Variants in ADGRV1 observed in about 807,000 individuals in gnomAD.
The protein encoded by ADGRV1 is adhesion G protein-coupled receptor V1, also known as G-protein coupled receptor 98.
In ADGRV1, 359 loss-of-function variants were observed where a neutral mutation model predicts 596.2. The ratio of observed to expected loss-of-function variants is 0.60; its 90% CI spans 0.55 to 0.66. The LOEUF is 0.66. Among genes scored for constraint, ADGRV1 ranks in the 30% least tolerant of loss-of-function variants. The probability of loss-of-function intolerance (pLI) is 0.00; values close to 1 mark genes in which losing one functional copy is unlikely to be tolerated. For synonymous variants in ADGRV1, 2,681 were observed against 2,679.2 expected (o/e 1.00, Z -0.02); for missense variants, 7,274 against 7,575.6 (o/e 0.96, Z 1.48).
At chr5:90,621,663 C>G (rs1347919368) in intron 4 of ADGRV1, among the ~76,000 whole-genome samples, 1 of 152,086 alleles carries the variant, frequency 6.6e-6, no homozygotes, top group Non-Finnish European at 1.5e-5. Context: ...ATCCTAGTTT[C>G]TGTCATGGGT....
chr5:91,107,268 A>AT (rs1395329897), intron 87 of ADGRV1, among the ~76,000 whole-genome samples: 1 of 152,144 alleles, frequency 6.6e-6, no homozygotes, highest in African/African-American at 2.4e-5. Flanking sequence ...TTCAAAGGAG[A>AT]TTTTTTGGTT....
At chr5:90,672,292 C>A (rs916055753) in intron 21 of ADGRV1, among the ~76,000 whole-genome samples, 1 of 152,202 alleles carries the variant, frequency 6.6e-6, no homozygotes, top group Admixed American at 6.5e-5. Context: ...GAATGAATTA[C>A]TTGTGCAGTT....
intron 87 of ADGRV1, among the ~76,000 whole-genome samples, chr5:91,122,807 G>A (rs1387763929): frequency 1.3e-5 from 2 of 152,106 alleles, no homozygotes; most frequent in Admixed American, 6.5e-5. Flanking sequence ...CCCCCTCTCC[G>A]CTACTCTCTA....
chr5:90,754,587 CTT>C (rs1755626943), intron 54 of ADGRV1, among the ~76,000 whole-genome samples: 1 of 152,134 alleles, frequency 6.6e-6, no homozygotes, highest in Non-Finnish European at 1.5e-5. Flanking sequence ...CATTAAATGA[CTT>C]TGTATATATA....
intron 83 of ADGRV1, among the ~76,000 whole-genome samples, chr5:90,964,664 G>A (rs1778298889): frequency 6.6e-6 from 1 of 151,090 alleles, no homozygotes; most frequent in African/African-American, 2.4e-5. Context: ...TTCCATTAGT[G>A]AGTAAAACAG....
intron 49 of ADGRV1, among the ~76,000 whole-genome samples, 158 bp from the exon 50 acceptor site, chr5:90,729,484 C>T (rs1483863884): frequency 6.6e-6 from 1 of 152,142 alleles, no homozygotes; most frequent in Non-Finnish European, 1.5e-5. Context: ...TGCAAAAAGA[C>T]TTTTGAAGTA....
Position 90,883,769 on chromosome 5 carries a change from C to T in ADGRV1, c.17856+19912C>T, listed in dbSNP as rs373248072. ...TGTCCATGTGCATATCATCCTTTCA[C>T]TTACGGGACTGTGGCATGGAGAAGT... On this transcript the variant is annotated intron_variant, in intron 83 of 89. Transcript: ENST00000405460. Among the ~76,000 whole-genome samples the T allele has an allele frequency of 2.0e-5, 3 of 152,162 alleles. No homozygotes were observed. In the East Asian group the frequency reaches 5.8e-4, roughly 29 times the overall value.
chr5:90,646,237 C>A, intron 16 of ADGRV1, 146 bp downstream of exon 16: 1 of 349,802 alleles, frequency 2.9e-6, no homozygotes, highest in Non-Finnish European at 4.8e-6. Context: ...TTTCATTGAA[C>A]ATTTTCAATA....
At chr5:90,794,122 TA>T (rs1760392076) in intron 70 of ADGRV1, among the ~76,000 whole-genome samples, 2 of 152,200 alleles carry the variant, frequency 1.3e-5, no homozygotes, top group South Asian at 4.1e-4. Flanking sequence ...CCTTCTTGGA[TA>T]AAAGTTGAGA....
At chr5:91,037,531 T>C (rs776963616) in intron 85 of ADGRV1, among the ~76,000 whole-genome samples, 14 of 152,158 alleles carry the variant, frequency 9.2e-5, no homozygotes, top group Non-Finnish European at 1.8e-4. Flanking sequence ...TAACTAATAA[T>C]CTCTTCACTG....
At chr5:90,955,049 C>T (rs974588562) in intron 83 of ADGRV1, among the ~76,000 whole-genome samples, 5 of 152,062 alleles carry the variant, frequency 3.3e-5, no homozygotes, top group Non-Finnish European at 7.4e-5. Context: ...AGAGAGAGCT[C>T]GCTTTTTCTC....
At chr5:90,696,051 G>A (rs536454040) in intron 33 of ADGRV1, among the ~76,000 whole-genome samples, 26 of 152,170 alleles carry the variant, frequency 1.7e-4, no homozygotes, top group Non-Finnish European at 2.6e-4. Flanking sequence ...CTCTCTTAAA[G>A]CAATCTTGAC....
chr5:90,896,060 G>A (rs191944736), intron 83 of ADGRV1, among the ~76,000 whole-genome samples: 17 of 151,046 alleles, frequency 1.1e-4, no homozygotes, highest in African/African-American at 3.6e-4. Flanking sequence ...CAAGCTAACT[G>A]GATTTCACTG....
At chr5:90,872,543 G>A (rs1768795053) in intron 83 of ADGRV1, among the ~76,000 whole-genome samples, 1 of 151,876 alleles carries the variant, frequency 6.6e-6, no homozygotes, top group African/African-American at 2.4e-5. Flanking sequence ...CTAGAGCACT[G>A]GTCTTGTGAA....
intron 28 of ADGRV1, among the ~76,000 whole-genome samples, chr5:90,684,567 T>C (rs1402032000): frequency 1.3e-5 from 2 of 152,114 alleles, no homozygotes; most frequent in Non-Finnish European, 2.9e-5. Flanking sequence ...TCCTCATAGT[T>C]CTGGAGGCTG....
intron 59 of ADGRV1, among the ~76,000 whole-genome samples, chr5:90,764,183 A>G (rs1756829197): frequency 6.6e-6 from 1 of 152,070 alleles, no homozygotes; most frequent in African/African-American, 2.4e-5. Context: ...ATTCATAAAG[A>G]CTTTGTCCTT....
chr5:91,056,611 G>C (rs1411870834), intron 85 of ADGRV1, among the ~76,000 whole-genome samples: 1 of 152,012 alleles, frequency 6.6e-6, no homozygotes, highest in African/African-American at 2.4e-5. Flanking sequence ...CAGTAGAATG[G>C]TCGTCATTGG....
chr5:91,054,484 T>C (rs759001962), intron 85 of ADGRV1, among the ~76,000 whole-genome samples: 2 of 152,128 alleles, frequency 1.3e-5, no homozygotes, highest in Non-Finnish European at 2.9e-5. Context: ...CTTAGTCCAT[T>C]TGGGATACTA....
intron 10 of ADGRV1, 82 bp downstream of exon 10, chr5:90,635,372 A>G: frequency 7.8e-7 from 1 of 1,275,596 alleles, no homozygotes; most frequent in Non-Finnish European, 1.1e-6. Context: ...AGATCAGCAT[A>G]TAGGGTTAAC....
Sources: allele counts gnomAD v4.1 joint callset (sites outside exome capture counted in the v4.1 genomes callset), GRCh38; gene constraint gnomAD v4.1.1; transcripts MANE v1.5; gene names NCBI Gene and HGNC (gene_info 2026-07-23, HGNC 2026-07-21).